The following DENND4C variants were observed in gnomAD, a reference collection of about 807,000 sequenced individuals.
DENND4C encodes DENN domain containing 4C.
DENND4C carries 108 observed loss-of-function variants against 203.0 expected under a neutral mutation model. The observed-to-expected ratio is 0.53, with a 90% CI of 0.46 to 0.62. The LOEUF (loss-of-function observed/expected upper bound fraction) is 0.62. Among genes scored for constraint, DENND4C ranks in the 20% least tolerant of loss-of-function variants. The pLI is 0.00. For synonymous variants in DENND4C, 871 were observed against 792.4 expected (o/e 1.10, Z -1.67); for missense variants, 2,481 against 2,301.2 (o/e 1.08, Z -1.60).
At chr9:19,297,382 C>T (rs940864691) in intron 6 of DENND4C, among the ~76,000 whole-genome samples, 1 of 152,102 alleles carries the variant, frequency 6.6e-6, no homozygotes. Context: ...TCATTTTGTA[C>T]TCTTGAAATG....
intron 23 of DENND4C, among the ~76,000 whole-genome samples, chr9:19,349,946 C>G (rs1043042197): frequency 6.6e-6 from 1 of 152,114 alleles, no homozygotes; most frequent in African/African-American, 2.4e-5. Context: ...ATTATATTCT[C>G]TGACTGTTGA....
At position 19,316,744 on chromosome 9, in the gene DENND4C, C is replaced by T. The variant is rs771194757; in HGVS notation, c.1712C>T (p.Ala571Val). 9 of 1,613,878 alleles carry T rather than the reference C, an allele frequency of 5.6e-6. No individual in the cohort carries two copies. Among genetic ancestry groups the T allele is most frequent in the Middle Eastern group, 1.6e-4 (1 of 6,082 alleles). Residue 571 changes from alanine (A) to valine (V), a missense_variant, in exon 12 of 33, where the codon GCG becomes GTG. By Grantham distance (64) the Ala-to-Val change is moderately conservative (BLOSUM62 0). This residue lies in a region of DENND4C where 2,289 missense variants were observed against 2,113.3 expected (regional missense o/e 1.08). Coordinates refer to ENST00000434457, the MANE Select transcript of DENND4C (RefSeq NM_001330640.2). ...CAAGAGGCATTTTTGCGCTTTATGG[C>T]GTCTATTTTAAAAGGATATAGAACA... ...EIQEAFLRFM[A>V]SILKGYRTYL... is the part of the protein sequence containing the mutation.
In DENND4C at chr9:19,332,084, C is replaced by T. The variant is rs367786634; in HGVS notation, c.2360C>T (p.Pro787Leu). The part of the protein sequence containing the change: ...HCYSLWFICL[P>L]AYVRVSHPKV... ...TACAGTTTATGGTTTATTTGTCTTC[C>T]GGCCTATGTTAGAGTTTCTCATCCT... The change falls in exon 17 of 33, where the codon CCG becomes CTG. Residue 787 changes from proline (P) to leucine (L), a missense_variant. By Grantham distance (98) the Pro-to-Leu change is moderately conservative (BLOSUM62 -3). Transcript: ENST00000434457. The T allele has an allele frequency of 8.1e-6, 13 of 1,613,952 alleles. No individual in the cohort carries two copies. Among genetic ancestry groups the T allele is most frequent in the African/African-American group, 6.7e-5 (5 of 74,998 alleles).
rs574013507 is a variant in DENND4C, at chr9:19,259,102, T to G, written c.-17-17056T>G. Among the ~76,000 whole-genome samples, 17 of 152,302 alleles carry G rather than the reference T, an allele frequency of 1.1e-4. No homozygotes were observed. The South Asian group carries it at 3.5e-3, about 32-fold the overall frequency. ...TGTTTATCATTTCTTTGTTCGAACA[T>G]TCCAATGGTACTTTTAGTTATTTTA... On this transcript the variant is annotated intron_variant, in intron 1 of 32. Transcript: ENST00000434457.
chr9:19,363,520 AC>A (rs761142318), intron 30 of DENND4C, among the ~76,000 whole-genome samples: 60 of 152,096 alleles, frequency 3.9e-4, no homozygotes, highest in African/African-American at 9.9e-4. Flanking sequence ...AATTAAAAAA[AC>A]ATTAGTGCCC....
chr9:19,277,179 G>A (rs1486483399), intron 2 of DENND4C, among the ~76,000 whole-genome samples: 1 of 151,926 alleles, frequency 6.6e-6, no homozygotes, highest in Non-Finnish European at 1.5e-5. Flanking sequence ...TAGATATTTG[G>A]GAACATCCTG....
chr9:19,368,542 A>G (rs950855788), intron 30 of DENND4C, among the ~76,000 whole-genome samples: 4 of 152,208 alleles, frequency 2.6e-5, no homozygotes, highest in African/African-American at 4.8e-5. Context: ...TAGGCAAATC[A>G]GGCTAGCACT....
chr9:19,262,049 C>G (rs1434241625), intron 1 of DENND4C, among the ~76,000 whole-genome samples: 1 of 139,278 alleles, frequency 7.2e-6, no homozygotes, highest in Admixed American at 7.2e-5. Flanking sequence ...GATTTTATAT[C>G]CTGAAACTTT....
At position 19,256,942 on chromosome 9, in the gene DENND4C, C is replaced by T. The variant is rs374995269; in HGVS notation, c.-17-19216C>T. 1.4e-3 allele frequency among the ~76,000 whole-genome samples: 220 copies of T among 151,852 alleles called. 4 individuals are homozygous for T. The East Asian group carries it at 0.037, about 26-fold the overall frequency. On this transcript the variant is annotated intron_variant, in intron 1 of 32. Coordinates refer to ENST00000434457, the MANE Select transcript of DENND4C (RefSeq NM_001330640.2). ...AAAATTAGCCGGGCGTGGTGGCAGG[C>T]GCCTGCAGTCCCAGCTACTCAGGAG...
intron 5 of DENND4C, among the ~76,000 whole-genome samples, chr9:19,293,385 G>T (rs1232667407): frequency 6.6e-6 from 1 of 152,126 alleles, no homozygotes; most frequent in Admixed American, 6.5e-5. Flanking sequence ...GGGTTATAAT[G>T]AAAAAACAGT....
intron 12 of DENND4C, among the ~76,000 whole-genome samples, chr9:19,320,798 A>T (rs1391323989): frequency 6.6e-6 from 1 of 152,242 alleles, no homozygotes; most frequent in Admixed American, 6.5e-5. Context: ...TTCACCCATC[A>T]GCCTTTGACT....
chr9:19,342,798 G>C lies in DENND4C; in HGVS notation c.3151+19G>C, dbSNP rs1038872806. ...AGCACTGGTGAGTCTTTACATTTTGGTTATTAAATATTTAAAATATACTTT... is the reference window on the plus strand; with the variant it reads ...AGCACTGGTGAGTCTTTACATTTTGCTTATTAAATATTTAAAATATACTTT... On this transcript the variant is annotated intron_variant, in intron 22 of 32. Coordinates refer to ENST00000434457, the MANE Select transcript of DENND4C (RefSeq NM_001330640.2). The C allele has an allele frequency of 6.5e-7, 1 of 1,549,914 alleles. No individual in the cohort carries two copies. Among genetic ancestry groups the C allele is most frequent in the African/African-American group, 1.4e-5 (1 of 71,710 alleles).
rs564886175 is a variant in DENND4C, at chr9:19,330,409, G to T, written c.2254-1569G>T. The stretch of plus-strand genomic sequence containing the variant: ...GGCTGGAGTGCAGTGGCACGATTTC[G>T]GCTCACTGCAACCTCTGCCTCCCAG... On this transcript the variant is annotated intron_variant, in intron 16 of 32. Transcript: ENST00000434457. 1.4e-4 allele frequency among the ~76,000 whole-genome samples: 19 copies of T among 139,100 alleles called. No individual in the cohort carries two copies. The South Asian group carries it at 3.4e-3, about 25-fold the overall frequency. 91.3% of individuals were successfully genotyped at this position (139,100 alleles called of 152,430 possible).
chr9:19,335,709 T>C (rs1000933613), intron 18 of DENND4C, among the ~76,000 whole-genome samples: 1 of 152,232 alleles, frequency 6.6e-6, no homozygotes. Flanking sequence ...TCAGGCTGAA[T>C]AGTATCTCGT....
intron 1 of DENND4C, among the ~76,000 whole-genome samples, chr9:19,251,799 C>T (rs1434372166): frequency 6.6e-6 from 1 of 152,200 alleles, no homozygotes; most frequent in Middle Eastern, 3.2e-3. Flanking sequence ...CAGTTTCCAA[C>T]AAGTTCCTCA....
At chr9:19,280,825 C>T (rs542986002) in intron 2 of DENND4C, among the ~76,000 whole-genome samples, 3 of 152,114 alleles carry the variant, frequency 2.0e-5, no homozygotes, top group African/African-American at 7.2e-5. Flanking sequence ...ACTGCAGCCT[C>T]CGCCTTCTGG....
At chr9:19,263,823 A>G (rs111724912) in intron 1 of DENND4C, among the ~76,000 whole-genome samples, 3 of 151,036 alleles carry the variant, frequency 2.0e-5, no homozygotes, top group African/African-American at 7.3e-5. Flanking sequence ...GCCCGGCTAA[A>G]TTTTTTTTGT....
At chr9:19,330,199 A>G (rs1296700110) in intron 16 of DENND4C, among the ~76,000 whole-genome samples, 1 of 151,884 alleles carries the variant, frequency 6.6e-6, no homozygotes, top group African/African-American at 2.4e-5. Flanking sequence ...CATTTATAGC[A>G]GAATTTTTTT....
At chr9:19,363,255 C>G (rs1262151686) in intron 30 of DENND4C, among the ~76,000 whole-genome samples, 1 of 152,192 alleles carries the variant, frequency 6.6e-6, no homozygotes, top group Admixed American at 6.5e-5. Flanking sequence ...TGGCTCATGC[C>G]TGTAATCCCA....
Sources: gnomAD v4.1 joint callset for allele counts (sites outside exome capture counted in the v4.1 genomes callset) on GRCh38, gnomAD v4.1.1 for gene constraint, gnomAD v4.1.1 regional missense constraint, MANE v1.5 for transcripts, NCBI Gene and HGNC (gene_info 2026-07-23, HGNC 2026-07-21) for gene names.